Variants in RAB5B observed in about 807,000 individuals in gnomAD.
RAB5B encodes ras-related protein Rab-5B.
In RAB5B, 11 loss-of-function variants were observed where a neutral mutation model predicts 28.6. The ratio of observed to expected loss-of-function variants is 0.38; its 90% CI spans 0.24 to 0.64. The LOEUF (loss-of-function observed/expected upper bound fraction) is 0.64, where lower values mean the gene tolerates loss of function less well. Among genes scored for constraint, RAB5B ranks in the 30% least tolerant of loss-of-function variants. The probability of loss-of-function intolerance (pLI) is 0.53; values close to 1 mark genes in which losing one functional copy is unlikely to be tolerated. For missense variants in RAB5B, 169 were observed against 265.6 expected (o/e 0.64, Z 2.53); for synonymous variants, 93 against 97.9 (o/e 0.95, Z 0.29).
chr12:55,991,005 G>T, intron 4 of RAB5B: 1 of 673,604 alleles, frequency 1.5e-6, no homozygotes, highest in Non-Finnish European at 2.4e-6. Flanking sequence ...AAACTCCAGA[G>T]CAGAGGGTTA....
At chr12:55,980,684 AG>A (rs1370408927) in intron 1 of RAB5B, 115 of 1,588,672 alleles carry the variant, frequency 7.2e-5, no homozygotes, top group Non-Finnish European at 9.5e-6. Context: ...CCCTAGCAAG[AG>A]GTGCTCCACC....
intron 1 of RAB5B, among the ~76,000 whole-genome samples, chr12:55,985,062 A>C (rs1889916378): frequency 6.6e-6 from 1 of 152,202 alleles, no homozygotes; most frequent in South Asian, 2.1e-4. Context: ...TCCTTACAAC[A>C]CCCTTATGAA....
chr12:55,992,054 G>A (rs1890143503), intron 5 of RAB5B, 43 bp from the exon 6 acceptor site: 5 of 1,521,948 alleles, frequency 3.3e-6, no homozygotes, highest in Non-Finnish European at 4.5e-6. Context: ...GGGTAGGGAA[G>A]TAAAGTCTAC....
intron 1 of RAB5B, among the ~76,000 whole-genome samples, chr12:55,984,185 ATTT>A (rs550936650): frequency 3.7e-5 from 5 of 135,490 alleles, no homozygotes; most frequent in Admixed American, 7.5e-5. Context: ...CACCCGGCTA[ATTT>A]TTTTTTTTTT....
At chr12:55,988,624 C>T (rs1311860629) in intron 2 of RAB5B, among the ~76,000 whole-genome samples, 2 of 152,102 alleles carry the variant, frequency 1.3e-5, no homozygotes, top group African/African-American at 4.8e-5. Context: ...GTGCCTCAGC[C>T]TCCTGAGCAG....
At chr12:55,990,947 C>G in intron 4 of RAB5B, 143 bp downstream of exon 4, 1 of 1,070,608 alleles carries the variant, frequency 9.3e-7, no homozygotes, top group Non-Finnish European at 1.3e-6. Context: ...AATACAGCAA[C>G]ACTGTGACCC....
intron 1 of RAB5B, among the ~76,000 whole-genome samples, 159 bp from the exon 2 acceptor site, chr12:55,986,710 C>T (rs2078233874): frequency 6.6e-6 from 1 of 152,202 alleles, no homozygotes; most frequent in Admixed American, 6.5e-5. Context: ...TCTTATTTTG[C>T]TCTTCCCAAC....
In RAB5B at chr12:55,992,256, T is replaced by C; in HGVS notation, c.*44T>C. ...ACAAGTATGGAGCTAGCACAAGAGC[T>C]AAGAAATAACCTCCATCCCTACCCC... On this transcript the variant is annotated 3_prime_UTR_variant, in exon 6 of 6. Transcript: ENST00000360299. 6.7e-7 allele frequency: 1 copy of C among 1,501,402 alleles called. No homozygotes were observed. The highest frequency in any genetic ancestry group is 1.1e-5 in the South Asian group (1 of 88,254). 93.0% of individuals were successfully genotyped at this position (1,501,402 alleles called of 1,614,324 possible).
chr12:55,996,649 T>A lies in RAB5B; in HGVS notation c.*4437T>A, dbSNP rs576744893. ...GTGCCACCAAGGGGCGATTATTATT[T>A]TTTTTTTCTACGCAAAATAAAAGAC... On this transcript the variant is annotated 3_prime_UTR_variant, in exon 6 of 6. Coordinates refer to ENST00000360299, the MANE Select transcript of RAB5B (RefSeq NM_002868.4). The A allele has an allele frequency of 1.4e-4, 21 of 152,256 alleles. No homozygotes were observed. Among genetic ancestry groups the A allele is most frequent in the East Asian group, 1.2e-3 (6 of 5,182 alleles). The allele number at this position is 152,256 out of a possible 1,614,324, so 9.4% of individuals were successfully genotyped here.
intron 1 of RAB5B, among the ~76,000 whole-genome samples, chr12:55,977,433 C>T (rs1889677267): frequency 6.6e-6 from 1 of 152,146 alleles, no homozygotes; most frequent in African/African-American, 2.4e-5. Context: ...TCCCATTGCC[C>T]TTCAAGTCAT....
At chr12:55,975,795 T>C (rs574145519) in intron 1 of RAB5B, among the ~76,000 whole-genome samples, 6 of 145,578 alleles carry the variant, frequency 4.1e-5, no homozygotes, top group South Asian at 2.3e-4. Flanking sequence ...CATTTCTTTT[T>C]TTTTTTTTTT....
intron 1 of RAB5B, among the ~76,000 whole-genome samples, chr12:55,978,386 C>T (rs1889704413): frequency 6.6e-6 from 1 of 151,910 alleles, no homozygotes; most frequent in South Asian, 2.1e-4. Flanking sequence ...CCTGTAGTCC[C>T]CCAGCTTCTC....
At chr12:55,985,208 T>A (rs758095272) in intron 1 of RAB5B, among the ~76,000 whole-genome samples, 9 of 152,182 alleles carry the variant, frequency 5.9e-5, no homozygotes, top group Non-Finnish European at 8.8e-5. Flanking sequence ...CTCCAGAGCC[T>A]TTATTCCTCT....
chr12:55,977,283 G>T (rs986240193), intron 1 of RAB5B, among the ~76,000 whole-genome samples: 2 of 55,860 alleles, frequency 3.6e-5, no homozygotes, highest in Non-Finnish European at 4.1e-5. Context: ...CCGTGTGTGC[G>T]TGTGTGTGTG....
rs1426005489 is a variant in RAB5B at position 55,992,879 on chromosome 12, G to A, written c.*667G>A. On this transcript the variant is annotated 3_prime_UTR_variant, in exon 6 of 6. Coordinates refer to ENST00000360299, the MANE Select transcript of RAB5B (RefSeq NM_002868.4). ...AGATCTCAGGCACCAGGCAGGAGGT[G>A]CCTTGTAAGCTAACTGGGCGGAGGT... 3.9e-6 allele frequency: 1 copy of A among 257,064 alleles called. No individual in the cohort carries two copies. Among genetic ancestry groups the A allele is most frequent in the Admixed American group, 6.1e-5 (1 of 16,274 alleles). The allele number at this position is 257,064 out of a possible 1,614,324, so 15.9% of individuals were successfully genotyped here.
chr12:55,996,014 A>C lies in RAB5B; in HGVS notation c.*3802A>C, dbSNP rs1890296545. ...ATATATATATATATATTTTTTTTTT[A>C]ACAACTGGTAGGATAGGTTGGGCAT... On this transcript the variant is annotated 3_prime_UTR_variant, in exon 6 of 6. Transcript: ENST00000360299. 1.4e-5 allele frequency: 1 copy of C among 70,738 alleles called. No homozygotes were observed. Among genetic ancestry groups the C allele is most frequent in the Non-Finnish European group, 3.0e-5 (1 of 33,022 alleles). 4.4% of individuals were successfully genotyped at this position (70,738 alleles called of 1,614,324 possible). A position where few individuals can be genotyped will look rare whatever the true frequency, so the allele number is the denominator to read the frequency against.
chr12:55,993,000 T>G lies in RAB5B; in HGVS notation c.*788T>G, dbSNP rs1216126951. ...TAGCGTTTCCCCTAATCGTGGGGGT[T>G]GGACCCCAGAGTCTTCCAAAGAATT... On this transcript the variant is annotated 3_prime_UTR_variant, in exon 6 of 6. Coordinates refer to ENST00000360299, the MANE Select transcript of RAB5B (RefSeq NM_002868.4). The G allele has an allele frequency of 1.1e-5, 2 of 183,360 alleles. No homozygotes were observed. The highest frequency in any genetic ancestry group is 2.2e-5 in the Non-Finnish European group (2 of 90,046). 11.4% of individuals were successfully genotyped at this position (183,360 alleles called of 1,614,324 possible).
At chr12:55,979,470 T>C (rs1433737752) in intron 1 of RAB5B, 1 of 152,162 alleles carries the variant, frequency 6.6e-6, no homozygotes, top group Non-Finnish European at 1.5e-5. Flanking sequence ...GAGAGGGAGA[T>C]GAAGGTATTT....
intron 1 of RAB5B, among the ~76,000 whole-genome samples, chr12:55,976,657 CTTTCT>C (rs1438525977): frequency 9.2e-5 from 14 of 152,228 alleles, no homozygotes; most frequent in African/African-American, 2.6e-4. Flanking sequence ...CTGTATTTGT[CTTTCT>C]TTTCTTTTCT....
Sources: allele counts gnomAD v4.1 joint callset (sites outside exome capture counted in the v4.1 genomes callset), GRCh38; gene constraint gnomAD v4.1.1; transcripts MANE v1.5; gene names NCBI Gene and HGNC (gene_info 2026-07-23, HGNC 2026-07-21).